KDM4B: variants seen among roughly 807,000 people sequenced by gnomAD.
KDM4B encodes the protein lysine-specific demethylase 4B.
KDM4B carries 32 observed loss-of-function variants against 125.2 expected under a neutral mutation model. The ratio of observed to expected loss-of-function variants is 0.26; its 90% CI spans 0.19 to 0.34. The LOEUF (loss-of-function observed/expected upper bound fraction) is 0.34, where lower values mean the gene tolerates loss of function less well. KDM4B is among the 10% of genes least tolerant of loss of function. KDM4B has a pLI of 1.00. For synonymous variants in KDM4B, 721 were observed against 677.9 expected, an observed-to-expected ratio of 1.06 and a Z score of -0.99; for missense variants, 1,190 against 1,577.7, an observed-to-expected ratio of 0.75 and a Z score of 4.16.
intron 6 of KDM4B, among the ~76,000 whole-genome samples, chr19:5,053,353 C>T (rs1302655732): frequency 6.6e-6 from 1 of 152,236 alleles, no homozygotes; most frequent in African/African-American, 2.4e-5. Context: ...AGGCAGGGGA[C>T]CGCAGCCAGG....
At chr19:5,147,693 A>G (rs2039874991) in intron 21 of KDM4B, among the ~76,000 whole-genome samples, 1 of 150,848 alleles carries the variant, frequency 6.6e-6, no homozygotes, top group South Asian at 2.1e-4. Context: ...CAGTGATCCA[A>G]GATCGCGCCA....
At chr19:5,020,462 C>G (rs1359458798) in intron 2 of KDM4B, among the ~76,000 whole-genome samples, 2 of 152,130 alleles carry the variant, frequency 1.3e-5, no homozygotes, top group Admixed American at 1.3e-4. Flanking sequence ...ATCGCCTGCC[C>G]GTCTCCACGG....
Position 5,110,770 on chromosome 19 carries a change from GCTC to G in KDM4B, c.1070_1072del (p.Ser357del). ...ACGGCGCTCACCAGCCCCGAGCTGA[GCTC>G]CTGGAGTGCATCCCGGGCCTCGCTG... is the stretch of plus-strand genomic sequence containing the variant. On this transcript the variant is annotated inframe_deletion, in exon 10 of 23. Coordinates refer to ENST00000159111, the MANE Select transcript of KDM4B (RefSeq NM_015015.3). The G allele has an allele frequency of 4.4e-6, 7 of 1,608,590 alleles. No homozygotes were observed. Among genetic ancestry groups the G allele is most frequent in the Non-Finnish European group, 5.9e-6 (7 of 1,177,754 alleles).
chr19:5,077,652 G>A, intron 8 of KDM4B, 182 bp downstream of exon 8: 1 of 579,086 alleles, frequency 1.7e-6, no homozygotes. Context: ...CCACGGGGAA[G>A]CGAAGATGGC....
At chr19:4,989,063 C>G (rs1425260704) in intron 1 of KDM4B, among the ~76,000 whole-genome samples, 1 of 152,242 alleles carries the variant, frequency 6.6e-6, no homozygotes, top group Non-Finnish European at 1.5e-5. Context: ...CTCACTGGGC[C>G]GGTCCCTTGC....
rs1009770929 is a variant in KDM4B at position 5,133,808 on chromosome 19, G to A, written c.1907-75G>A. ...CTGTAGACCCGGGGCCATCCCCTGG[G>A]CAGTTGGGGTGATTCCTTGGACGAG... On this transcript the variant is annotated intron_variant, in intron 13 of 22. Transcript: ENST00000159111. The A allele has an allele frequency of 6.7e-6, 10 of 1,502,322 alleles. No homozygotes were observed. In the African/African-American group the frequency reaches 9.7e-5, roughly 15 times the overall value. The allele number at this position is 1,502,322 out of a possible 1,614,324, so 93.1% of individuals were successfully genotyped here. A position where few individuals can be genotyped will look rare whatever the true frequency, so the allele number is the denominator to read the frequency against.
chr19:5,149,869 A>T (rs1053960656), intron 21 of KDM4B, among the ~76,000 whole-genome samples: 1 of 152,212 alleles, frequency 6.6e-6, no homozygotes, highest in African/African-American at 2.4e-5. Context: ...GCCACACATA[A>T]GCCAGGGACC....
intron 2 of KDM4B, among the ~76,000 whole-genome samples, chr19:5,020,268 G>A (rs996609181): frequency 3.4e-5 from 5 of 149,194 alleles, no homozygotes; most frequent in Non-Finnish European, 7.4e-5. Flanking sequence ...GTGTACAGGT[G>A]TTGGTATGCA....
At chr19:4,978,065 C>T (rs575427381) in intron 1 of KDM4B, among the ~76,000 whole-genome samples, 58 of 152,326 alleles carry the variant, frequency 3.8e-4, no homozygotes, top group South Asian at 1.5e-3. Flanking sequence ...GATTGTCTTG[C>T]TCAGGAGAGA....
At chr19:5,129,581 G>T (rs1012493614) in intron 11 of KDM4B, among the ~76,000 whole-genome samples, 15 of 152,334 alleles carry the variant, frequency 9.8e-5, no homozygotes, top group African/African-American at 3.1e-4. Flanking sequence ...CAGCCTGTTG[G>T]GGGAGGTGGA....
intron 6 of KDM4B, among the ~76,000 whole-genome samples, chr19:5,051,902 C>T (rs2037237905): frequency 6.6e-6 from 1 of 152,226 alleles, no homozygotes; most frequent in African/African-American, 2.4e-5. Context: ...CCCACCCTCT[C>T]CTGCCTCTGT....
chr19:5,056,849 G>A (rs2037411461), intron 6 of KDM4B, among the ~76,000 whole-genome samples: 1 of 147,638 alleles, frequency 6.8e-6, no homozygotes, highest in South Asian at 2.2e-4. Context: ...CCTGGGGTGG[G>A]GACCCTGGGG....
intron 6 of KDM4B, among the ~76,000 whole-genome samples, chr19:5,052,808 G>T (rs1380415802): frequency 2.0e-5 from 3 of 152,260 alleles, no homozygotes; most frequent in Admixed American, 6.5e-5. Context: ...GGCGCCCGGG[G>T]ACCCTGGTGT....
chr19:5,148,399 G>A (rs115631692), intron 21 of KDM4B, among the ~76,000 whole-genome samples: 2,266 of 152,290 alleles, frequency 0.015, 44 homozygotes, highest in African/African-American at 0.052. Flanking sequence ...CCTCCTAGGC[G>A]GTTCTGTGCT....
intron 1 of KDM4B, among the ~76,000 whole-genome samples, chr19:4,984,681 G>A (rs754868635): frequency 6.6e-6 from 1 of 152,260 alleles, no homozygotes; most frequent in East Asian, 1.9e-4. Context: ...TGGGGCCCTC[G>A]GGAGGGCTTG....
intron 1 of KDM4B, among the ~76,000 whole-genome samples, chr19:5,008,991 G>A (rs1056395016): frequency 8.7e-5 from 13 of 148,794 alleles, no homozygotes; most frequent in African/African-American, 3.0e-4. Context: ...TCTCGGCTCA[G>A]GCAGCCTCTG....
intron 22 of KDM4B, 39 bp downstream of exon 22, chr19:5,150,489 CAG>C: frequency 1.4e-5 from 20 of 1,455,092 alleles, no homozygotes; most frequent in Non-Finnish European, 1.8e-5. Context: ...CCGGGTGACT[CAG>C]GGAGCCCGTC....
chr19:5,111,244 G>T (rs1471495063), intron 10 of KDM4B: 2 of 631,474 alleles, frequency 3.2e-6, no homozygotes, highest in South Asian at 1.9e-5. Flanking sequence ...CCTCCCTGGC[G>T]CTGAGAGCAG....
At chr19:5,087,666 C>T (rs897338914) in intron 9 of KDM4B, among the ~76,000 whole-genome samples, 1 of 152,236 alleles carries the variant, frequency 6.6e-6, no homozygotes, top group African/African-American at 2.4e-5. Flanking sequence ...CTGAGGGCCC[C>T]CATCTCTGAG....
Sources: gnomAD v4.1 joint callset for allele counts (sites outside exome capture counted in the v4.1 genomes callset) on GRCh38, gnomAD v4.1.1 for gene constraint, MANE v1.5 for transcripts, NCBI Gene and HGNC (gene_info 2026-07-23, HGNC 2026-07-21) for gene names.